PPP2R2A: variants seen among roughly 807,000 people sequenced by gnomAD.
PPP2R2A encodes serine/threonine-protein phosphatase 2A 55 kDa regulatory subunit B alpha isoform.
PPP2R2A carries 9 observed loss-of-function variants against 53.2 expected under a neutral mutation model. The ratio of observed to expected loss-of-function variants is 0.17; its 90% CI spans 0.10 to 0.30. The LOEUF is 0.30. PPP2R2A is among the 10% of genes least tolerant of loss of function. PPP2R2A has a pLI of 1.00. For missense variants in PPP2R2A, 235 were observed against 534.6 expected (o/e 0.44, Z 5.53); for synonymous variants, 169 against 174.2 (o/e 0.97, Z 0.23).
intron 2 of PPP2R2A, among the ~76,000 whole-genome samples, chr8:26,310,668 C>CT (rs79086645): frequency 5.3e-3 from 248 of 46,880 alleles, no homozygotes; most frequent in African/African-American, 0.014. Flanking sequence ...TTTTTTTTTC[C>CT]TTTTTTTTTT....
intron 2 of PPP2R2A, among the ~76,000 whole-genome samples, chr8:26,335,993 AC>A (rs1803639265): frequency 6.6e-6 from 1 of 151,838 alleles, no homozygotes; most frequent in South Asian, 2.1e-4. Flanking sequence ...CTCCCCACAC[AC>A]CCTTCACCTT....
chr8:26,314,320 G>A (rs1032656089), intron 2 of PPP2R2A, among the ~76,000 whole-genome samples: 3 of 152,208 alleles, frequency 2.0e-5, no homozygotes, highest in Admixed American at 1.3e-4. Context: ...CAACCCGCGT[G>A]CTTCAATCTG....
intron 2 of PPP2R2A, among the ~76,000 whole-genome samples, chr8:26,299,795 A>G (rs949195488): frequency 6.6e-6 from 1 of 151,126 alleles, no homozygotes; most frequent in Non-Finnish European, 1.5e-5. Flanking sequence ...AGTAGTATGC[A>G]TGTTAGATTT....
At chr8:26,300,330 C>T (rs1341870655) in intron 2 of PPP2R2A, among the ~76,000 whole-genome samples, 2 of 152,084 alleles carry the variant, frequency 1.3e-5, no homozygotes, top group Non-Finnish European at 2.9e-5. Context: ...GAAGAGGTTA[C>T]AGTATGTTAC....
chr8:26,358,498 T>G (rs1208944534), intron 4 of PPP2R2A, among the ~76,000 whole-genome samples: 1 of 152,118 alleles, frequency 6.6e-6, no homozygotes, highest in Non-Finnish European at 1.5e-5. Context: ...AATAATAGAT[T>G]ACAGATGATT....
At chr8:26,294,681 A>G (rs1487156869) in intron 2 of PPP2R2A, among the ~76,000 whole-genome samples, 5 of 152,058 alleles carry the variant, frequency 3.3e-5, no homozygotes, top group Non-Finnish European at 7.4e-5. Context: ...TGTTGTCCTC[A>G]TATTTCTGAC....
rs912381714 is a variant in PPP2R2A, at chr8:26,321,752, G to T, written c.83-17138G>T. Among the ~76,000 whole-genome samples the T allele has an allele frequency of 6.6e-6, 1 of 152,188 alleles. No homozygotes were observed. The highest frequency in any genetic ancestry group is 6.5e-5 in the Admixed American group (1 of 15,286). ...TGCAACTTTGTGAGAGACCTTGAAC[G>T]CAAGGCCCCCTGGCTAAGTCACACC... On this transcript the variant is annotated intron_variant, in intron 2 of 9. Transcript: ENST00000380737. The surrounding 1 kb of genome is among the most constrained non-coding windows in gnomAD (Gnocchi z 4.1).
intron 9 of PPP2R2A, among the ~76,000 whole-genome samples, chr8:26,367,776 C>T (rs371096938): frequency 2.6e-5 from 4 of 152,216 alleles, no homozygotes; most frequent in East Asian, 1.9e-4. Context: ...ACATTCACAG[C>T]GATGCAGTAC....
intron 8 of PPP2R2A, chr8:26,365,760 A>G (rs1805340907): frequency 6.6e-6 from 1 of 152,244 alleles, no homozygotes; most frequent in South Asian, 2.1e-4. Flanking sequence ...ATTGTATAAT[A>G]TGATACTATC....
At chr8:26,332,645 A>C (rs1450487353) in intron 2 of PPP2R2A, among the ~76,000 whole-genome samples, 1 of 151,606 alleles carries the variant, frequency 6.6e-6, no homozygotes, top group African/African-American at 2.4e-5. Context: ...TAGCCACATT[A>C]GGGGGTAGAA....
intron 3 of PPP2R2A, among the ~76,000 whole-genome samples, chr8:26,340,392 G>C (rs1803880289): frequency 6.6e-6 from 1 of 152,028 alleles, no homozygotes; most frequent in African/African-American, 2.4e-5. Flanking sequence ...TTTTTATCTA[G>C]AGTTTAGAGC....
intron 1 of PPP2R2A, among the ~76,000 whole-genome samples, chr8:26,292,920 A>G (rs879749973): frequency 2.6e-5 from 4 of 152,206 alleles, no homozygotes; most frequent in South Asian, 4.1e-4. Flanking sequence ...AAAAGTTAAC[A>G]TGTCGGATTG....
Position 26,363,897 on chromosome 8 carries a change from G to A in PPP2R2A, c.972+7G>A, listed in dbSNP as rs750404624. On this transcript the variant is annotated splice_region_variant and intron_variant, in intron 8 of 9. Transcript: ENST00000380737. ...GCCTGTGGAAACATACCAGGTATTT[G>A]AGTTTTTTCTTTCAATGAGCATATA... 6.3e-7 allele frequency: 1 copy of A among 1,574,958 alleles called. No individual in the cohort carries two copies. The highest frequency in any genetic ancestry group is 1.2e-5 in the South Asian group (1 of 85,164).
chr8:26,333,845 AAAAG>A (rs1309808142), intron 2 of PPP2R2A, among the ~76,000 whole-genome samples: 1 of 152,204 alleles, frequency 6.6e-6, no homozygotes, highest in Non-Finnish European at 1.5e-5. Context: ...TTCCACTCAC[AAAAG>A]AAAGCAATTA....
intron 1 of PPP2R2A, chr8:26,292,284 A>G (rs1261657758): frequency 3.0e-6 from 3 of 993,556 alleles, no homozygotes; most frequent in Non-Finnish European, 3.6e-6. Context: ...TCGAGAAGGA[A>G]GAGCGCCTTA....
intron 3 of PPP2R2A, among the ~76,000 whole-genome samples, chr8:26,343,229 G>T (rs890539739): frequency 6.6e-6 from 1 of 151,990 alleles, no homozygotes; most frequent in African/African-American, 2.4e-5. Flanking sequence ...TGCTCCTCAA[G>T]ATTACTAAAT....
chr8:26,299,220 C>T (rs1801673504), intron 2 of PPP2R2A, among the ~76,000 whole-genome samples: 1 of 151,746 alleles, frequency 6.6e-6, no homozygotes, highest in Non-Finnish European at 1.5e-5. Flanking sequence ...TGTGATTGTG[C>T]CACTGGTCTC....
At chr8:26,312,430 A>G (rs1802334085) in intron 2 of PPP2R2A, among the ~76,000 whole-genome samples, 1 of 152,184 alleles carries the variant, frequency 6.6e-6, no homozygotes. Context: ...TCCCCAGACT[A>G]TACTTTGAGT....
chr8:26,291,815 G>A lies in PPP2R2A; in HGVS notation c.-5G>A. ...ACCCAGCAGGGTCACCATTTGCAGCGCAACATGGCAGGTAAAGGAGAAATC... is the reference window on the plus strand; with the variant it reads ...ACCCAGCAGGGTCACCATTTGCAGCACAACATGGCAGGTAAAGGAGAAATC... On this transcript the variant is annotated 5_prime_UTR_variant, in exon 1 of 10. Transcript: ENST00000380737. The A allele has an allele frequency of 6.2e-7, 1 of 1,608,778 alleles. No individual in the cohort carries two copies.
Sources: allele counts gnomAD v4.1 joint callset (sites outside exome capture counted in the v4.1 genomes callset), GRCh38; gene constraint gnomAD v4.1.1; non-coding constraint Gnocchi (gnomAD v3.1); transcripts MANE v1.5; gene names NCBI Gene and HGNC (gene_info 2026-07-23, HGNC 2026-07-21).